The following BIRC6 variants were observed in gnomAD, a reference collection of about 807,000 sequenced individuals.
The protein encoded by BIRC6 is baculoviral IAP repeat containing 6, also known as dual E2 ubiquitin-conjugating enzyme/E3 ubiquitin-protein ligase BIRC6.
In BIRC6, 98 loss-of-function variants were observed where a neutral mutation model predicts 503.3. The ratio of observed to expected loss-of-function variants is 0.19; its 90% CI spans 0.17 to 0.23. The LOEUF (loss-of-function observed/expected upper bound fraction) is 0.23, where lower values mean the gene tolerates loss of function less well. BIRC6 is among the 10% of genes least tolerant of loss of function. The pLI, the probability that BIRC6 is intolerant of heterozygous loss-of-function variation, is 1.00. For synonymous variants in BIRC6, 2,240 were observed against 2,078.7 expected (o/e 1.08, Z -2.11); for missense variants, 5,360 against 5,806.0 (o/e 0.92, Z 2.50).
chr2:32,502,743 T>C, intron 47 of BIRC6, 52 bp from the exon 48 acceptor site: 1 of 1,392,216 alleles, frequency 7.2e-7, no homozygotes. Context: ...TTGAGTTTAG[T>C]TCTTATTCAC....
chr2:32,445,904 C>T (rs2045897545), intron 21 of BIRC6, among the ~76,000 whole-genome samples: 1 of 151,416 alleles, frequency 6.6e-6, no homozygotes, highest in South Asian at 2.1e-4. Flanking sequence ...GTTGCCCAGG[C>T]TGGAGTGCAA....
At chr2:32,504,888 A>G (rs758484647) in intron 49 of BIRC6, 117 bp from the exon 50 acceptor site, 155 of 917,602 alleles carry the variant, frequency 1.7e-4, no homozygotes, top group Non-Finnish European at 2.5e-4. Flanking sequence ...CATTACCAGC[A>G]TCAATTGTTC....
chr2:32,590,008 T>G (rs1447189560), intron 66 of BIRC6, among the ~76,000 whole-genome samples: 1 of 152,162 alleles, frequency 6.6e-6, no homozygotes, highest in Non-Finnish European at 1.5e-5. Flanking sequence ...AGAGATTAAG[T>G]AAAAACAAAA....
At chr2:32,457,174 C>G (rs1037036754) in intron 23 of BIRC6, among the ~76,000 whole-genome samples, 1 of 152,154 alleles carries the variant, frequency 6.6e-6, no homozygotes, top group Non-Finnish European at 1.5e-5. Flanking sequence ...ATTTTTCCAT[C>G]TTTTTACTTT....
chr2:32,374,754 G>A (rs549461500), intron 1 of BIRC6, among the ~76,000 whole-genome samples: 1 of 152,116 alleles, frequency 6.6e-6, no homozygotes, highest in East Asian at 1.9e-4. Context: ...TTACAGGCGT[G>A]AGCCACCGCG....
chr2:32,489,318 T>C (rs947402417), intron 42 of BIRC6, among the ~76,000 whole-genome samples: 23 of 152,086 alleles, frequency 1.5e-4, no homozygotes, highest in African/African-American at 4.1e-4. Context: ...TGGTGTATTT[T>C]CCAATGTGAG....
chr2:32,473,850 C>G (rs953355731), intron 33 of BIRC6, among the ~76,000 whole-genome samples: 27 of 149,836 alleles, frequency 1.8e-4, no homozygotes, highest in African/African-American at 6.4e-4. Flanking sequence ...AATTCCTGGG[C>G]TCAAGCAGTC....
At chr2:32,441,742 A>G (rs1244831213) in intron 17 of BIRC6, among the ~76,000 whole-genome samples, 1 of 152,114 alleles carries the variant, frequency 6.6e-6, no homozygotes, top group Non-Finnish European at 1.5e-5. Flanking sequence ...AGTCCTAGCT[A>G]CTCAAGACGT....
intron 66 of BIRC6, among the ~76,000 whole-genome samples, chr2:32,577,307 C>G (rs2060332163): frequency 6.6e-6 from 1 of 152,048 alleles, no homozygotes; most frequent in Non-Finnish European, 1.5e-5. Flanking sequence ...CTGTACCTTA[C>G]ATTTCTGTGT....
chr2:32,552,912 G>A (rs555870150), intron 65 of BIRC6, among the ~76,000 whole-genome samples: 141 of 148,662 alleles, frequency 9.5e-4, no homozygotes, highest in African/African-American at 2.8e-3. Flanking sequence ...GTACTTATAT[G>A]CTTATATTAA....
intron 20 of BIRC6, among the ~76,000 whole-genome samples, 166 bp downstream of exon 20, chr2:32,443,754 C>G (rs1490983704): frequency 6.6e-6 from 1 of 152,176 alleles, no homozygotes; most frequent in Non-Finnish European, 1.5e-5. Context: ...TGGTCATATA[C>G]TCCGTCAATA....
intron 10 of BIRC6, among the ~76,000 whole-genome samples, chr2:32,420,504 A>G (rs2150104127): frequency 6.6e-6 from 1 of 152,130 alleles, no homozygotes; most frequent in East Asian, 1.9e-4. Context: ...ATTCCCCACA[A>G]TCATTTTATT....
intron 5 of BIRC6, among the ~76,000 whole-genome samples, chr2:32,393,425 G>C (rs4952212): frequency 0.65 from 98,916 of 152,114 alleles, 32,857 homozygotes; most frequent in African/African-American, 0.78. Flanking sequence ...GTGGTATAGA[G>C]TGGCTTACCA....
chr2:32,391,915 T>C (rs2039282340), intron 4 of BIRC6, 124 bp from the exon 5 acceptor site: 1 of 609,448 alleles, frequency 1.6e-6, no homozygotes, highest in African/African-American at 1.9e-5. Flanking sequence ...AAATTGAACT[T>C]GTTCATCAGA....
chr2:32,477,587 T>A lies in BIRC6; in HGVS notation c.7068+4T>A, dbSNP rs2049905470. 6.2e-7 allele frequency: 1 copy of A among 1,611,202 alleles called. No homozygotes were observed. The highest frequency in any genetic ancestry group is 1.3e-5 in the African/African-American group (1 of 74,806). On this transcript the variant is annotated splice_donor_region_variant and intron_variant, in intron 35 of 73. Transcript: ENST00000421745. Reference sequence around the variant, plus strand: ...TCTCTTATTGTTTGTTTGTAAGGTATGTAAACTATAAGTGTAGACTTACAG... The same window carrying A: ...TCTCTTATTGTTTGTTTGTAAGGTAAGTAAACTATAAGTGTAGACTTACAG...
At chr2:32,557,052 T>C (rs2058836366) in intron 65 of BIRC6, among the ~76,000 whole-genome samples, 1 of 152,222 alleles carries the variant, frequency 6.6e-6, no homozygotes, top group African/African-American at 2.4e-5. Context: ...ATAATGTCAA[T>C]ATTTTATTGA....
intron 11 of BIRC6, 78 bp from the exon 12 acceptor site, chr2:32,430,787 A>G (rs1328718587): frequency 3.9e-5 from 39 of 991,906 alleles, no homozygotes; most frequent in Middle Eastern, 3.2e-4. Context: ...ATGAATTAAA[A>G]CTTCACTTCA....
Position 32,415,680 on chromosome 2 carries a change from A to G in BIRC6, c.2389A>G (p.Ser797Gly). 1 of 1,613,952 alleles carries G rather than the reference A, an allele frequency of 6.2e-7. No homozygotes were observed. The highest frequency in any genetic ancestry group is 1.1e-5 in the South Asian group (1 of 91,088). Residue 797 changes from serine (S) to glycine (G), a missense_variant, in exon 10 of 74, where the codon AGT becomes GGT. Coordinates refer to ENST00000421745, the MANE Select transcript of BIRC6 (RefSeq NM_016252.4). ...NLAVVNGANI[S>G]VIQHESPADV... ...TGCTGTAGTGAATGGTGCAAATATTAGTGTAATCCAACATGAATCACCAGC... is the reference window on the plus strand; with the variant it reads ...TGCTGTAGTGAATGGTGCAAATATTGGTGTAATCCAACATGAATCACCAGC...
intron 61 of BIRC6, chr2:32,532,116 T>C (rs369241308): frequency 1.0e-4 from 52 of 505,728 alleles, no homozygotes; most frequent in Admixed American, 1.6e-4. Flanking sequence ...AGGGGAATTA[T>C]TCTCTTTGAT....
Sources: allele counts gnomAD v4.1 joint callset (sites outside exome capture counted in the v4.1 genomes callset), GRCh38; gene constraint gnomAD v4.1.1; transcripts MANE v1.5; gene names NCBI Gene and HGNC (gene_info 2026-07-23, HGNC 2026-07-21).